Variants in VTCN1 observed in about 807,000 individuals in gnomAD.
VTCN1 encodes V-set domain-containing T-cell activation inhibitor 1.
Under a neutral mutation model 26.5 loss-of-function variants are expected in VTCN1, and 26 were observed. That is an observed-to-expected ratio of 0.98 (90% CI 0.72 to 1.36). VTCN1 has a LOEUF of 1.36. Among genes scored for constraint, VTCN1 ranks in the 40% most tolerant of loss-of-function variants. VTCN1 has a pLI of 0.00. For synonymous variants in VTCN1, 116 were observed against 130.7 expected (o/e 0.89, Z 0.77); for missense variants, 298 against 337.7 (o/e 0.88, Z 0.92).
At chr1:117,202,903 C>T (rs1648857202) in intron 1 of VTCN1, among the ~76,000 whole-genome samples, 1 of 152,124 alleles carries the variant, frequency 6.6e-6, no homozygotes, top group Non-Finnish European at 1.5e-5. Context: ...GGGTGGGTAG[C>T]TGGAGAGGTT....
chr1:117,205,914 T>C (rs1378108575), intron 1 of VTCN1, among the ~76,000 whole-genome samples: 1 of 152,094 alleles, frequency 6.6e-6, no homozygotes. Context: ...AGGTTGTTGT[T>C]CTTGGTGTCA....
In VTCN1 at chr1:117,147,045, T is replaced by A. The variant is rs1298885039; in HGVS notation, c.*45+568A>T. Among the ~76,000 whole-genome samples the A allele has an allele frequency of 6.6e-6, 1 of 152,160 alleles. No homozygotes were observed. Among genetic ancestry groups the A allele is most frequent in the Non-Finnish European group, 1.5e-5 (1 of 68,026 alleles). ...CCTGGAGGCTTGGTGGGGATGCCAC[T>A]GAGTAATATGGGAGTATCGACTGGA... On this transcript the variant is annotated intron_variant, in intron 5 of 5. Coordinates refer to ENST00000369458, the MANE Select transcript of VTCN1 (RefSeq NM_024626.4). This position sits in a 1 kb window ranked among gnomAD's most constrained non-coding sequence, Gnocchi z 4.6.
In VTCN1 at chr1:117,144,750, C is replaced by T. The variant is rs1018241692; in HGVS notation, c.*521G>A. On this transcript the variant is annotated 3_prime_UTR_variant, in exon 6 of 6. Coordinates refer to ENST00000369458, the MANE Select transcript of VTCN1 (RefSeq NM_024626.4). ...ATTTGACCCATTACTAAAATGCAGCCGCCCCTGAGTTGCGAAGTGGCAGTC... is the reference window on the plus strand; with the variant it reads ...ATTTGACCCATTACTAAAATGCAGCTGCCCCTGAGTTGCGAAGTGGCAGTC... The T allele has an allele frequency of 4.6e-5, 7 of 152,548 alleles. No individual in the cohort carries two copies. The highest frequency in any genetic ancestry group is 7.2e-5 in the African/African-American group (3 of 41,406). The allele number at this position is 152,548 out of a possible 1,614,324, so 9.4% of individuals were successfully genotyped here. A position where few individuals can be genotyped will look rare whatever the true frequency, so the allele number is the denominator to read the frequency against.
At chr1:117,158,962 G>C (rs1652231645) in intron 2 of VTCN1, among the ~76,000 whole-genome samples, 1 of 152,148 alleles carries the variant, frequency 6.6e-6, no homozygotes, top group Admixed American at 6.5e-5. Flanking sequence ...CCAGTTCTCA[G>C]CAGGTTCCTC....
chr1:117,152,981 G>T, intron 4 of VTCN1, 110 bp downstream of exon 4: 2 of 1,258,836 alleles, frequency 1.6e-6, no homozygotes, highest in Non-Finnish European at 2.2e-6. Context: ...TTAGTGAAGA[G>T]GACTCTAGAG....
chr1:117,192,158 G>C (rs1227940194), intron 1 of VTCN1, among the ~76,000 whole-genome samples: 2 of 152,034 alleles, frequency 1.3e-5, no homozygotes, highest in East Asian at 1.9e-4. Flanking sequence ...GAAAAAACAG[G>C]CTTGTCACAT....
chr1:117,170,447 A>T, intron 1 of VTCN1: 1 of 492,430 alleles, frequency 2.0e-6, no homozygotes, highest in Middle Eastern at 3.1e-4. Context: ...GGAAGACCAT[A>T]TATGGAGACT....
At chr1:117,173,428 AG>A (rs1653032405) in intron 1 of VTCN1, among the ~76,000 whole-genome samples, 1 of 151,764 alleles carries the variant, frequency 6.6e-6, no homozygotes, top group African/African-American at 2.4e-5. Flanking sequence ...CTACAACTCA[AG>A]GAACACCAAA....
intron 1 of VTCN1, among the ~76,000 whole-genome samples, chr1:117,180,230 G>A (rs1557871416): frequency 2.0e-5 from 3 of 152,090 alleles, no homozygotes; most frequent in Non-Finnish European, 2.9e-5. Context: ...TCCTTAAACC[G>A]TATTTGAGTT....
intron 1 of VTCN1, among the ~76,000 whole-genome samples, chr1:117,173,786 C>G (rs1239920168): frequency 5.9e-5 from 9 of 152,218 alleles, no homozygotes; most frequent in Admixed American, 5.9e-4. Flanking sequence ...GGGACCTGAA[C>G]AGCGACACTG....
chr1:117,153,397 G>A, intron 3 of VTCN1, 28 bp from the exon 4 acceptor site: 1 of 1,583,156 alleles, frequency 6.3e-7, no homozygotes, highest in Non-Finnish European at 8.6e-7. Context: ...AGAAAGGGCA[G>A]ATGCCAAAGT....
chr1:117,208,973 T>C lies in VTCN1; in HGVS notation c.32+1851A>G, dbSNP rs569719037. Among the ~76,000 whole-genome samples, 5 of 152,276 alleles carry C rather than the reference T, an allele frequency of 3.3e-5. 1 individual carries two copies. In the South Asian group the frequency reaches 1.0e-3, roughly 32 times the overall value. On this transcript the variant is annotated intron_variant, in intron 1 of 5. Coordinates refer to ENST00000369458, the MANE Select transcript of VTCN1 (RefSeq NM_024626.4). ...CATTATGACAAAGGAAGAGGGTTAT[T>C]AGGGTCAAGAGTTACCCCAGGCAGG...
chr1:117,191,361 AAGATGTAATAGGCC>A (rs1454146789), intron 1 of VTCN1, among the ~76,000 whole-genome samples: 13 of 152,216 alleles, frequency 8.5e-5, no homozygotes, highest in African/African-American at 3.1e-4. Flanking sequence ...ATACTATTTA[AAGATGTAATAGGCC>A]AGGCGTGGTG....
At chr1:117,182,728 T>C (rs1647733912) in intron 1 of VTCN1, among the ~76,000 whole-genome samples, 3 of 152,216 alleles carry the variant, frequency 2.0e-5, no homozygotes, top group Admixed American at 1.3e-4. Context: ...ACACAGGGCC[T>C]GCCTCGTGAT....
intron 4 of VTCN1, among the ~76,000 whole-genome samples, chr1:117,152,864 A>C (rs1553207341): frequency 6.6e-6 from 1 of 152,166 alleles, no homozygotes; most frequent in Non-Finnish European, 1.5e-5. Context: ...GAAAGCATAC[A>C]AGATGAAACC....
At chr1:117,162,172 AAAG>A (rs1198027532) in intron 2 of VTCN1, among the ~76,000 whole-genome samples, 1 of 152,214 alleles carries the variant, frequency 6.6e-6, no homozygotes, top group African/African-American at 2.4e-5. Context: ...AATGTCAAAT[AAAG>A]AAGAGAAATA....
intron 2 of VTCN1, among the ~76,000 whole-genome samples, chr1:117,164,473 G>A (rs556146978): frequency 1.8e-3 from 279 of 152,214 alleles, no homozygotes; most frequent in Non-Finnish European, 2.2e-3. Context: ...GGTTGACCAG[G>A]AAATTGTGCA....
chr1:117,158,563 C>A (rs1482640530), intron 2 of VTCN1, among the ~76,000 whole-genome samples: 1 of 152,282 alleles, frequency 6.6e-6, no homozygotes, highest in African/African-American at 2.4e-5. Context: ...TCTCCTAGGA[C>A]CCCAGGCCTG....
At chr1:117,182,672 T>G (rs1016455616) in intron 1 of VTCN1, among the ~76,000 whole-genome samples, 2 of 152,186 alleles carry the variant, frequency 1.3e-5, no homozygotes, top group African/African-American at 4.8e-5. Flanking sequence ...TCCCAGGCCT[T>G]CCAGCCTGGA....
Sources: gnomAD v4.1 joint callset for allele counts (sites outside exome capture counted in the v4.1 genomes callset) on GRCh38, gnomAD v4.1.1 for gene constraint, Gnocchi (gnomAD v3.1) non-coding constraint, MANE v1.5 for transcripts, NCBI Gene and HGNC (gene_info 2026-07-23, HGNC 2026-07-21) for gene names.